Variants in PPP6C observed in about 807,000 individuals in gnomAD.
PPP6C encodes protein phosphatase 6 catalytic subunit, also known as serine/threonine-protein phosphatase 6 catalytic subunit.
A neutral mutation model predicts 39.8 loss-of-function variants in PPP6C; 11 were observed. The ratio of observed to expected loss-of-function variants is 0.28; its 90% CI spans 0.17 to 0.46. PPP6C has a LOEUF of 0.46. Among genes scored for constraint, PPP6C ranks in the 20% least tolerant of loss-of-function variants. PPP6C has a pLI of 1.00. For missense variants in PPP6C, 211 were observed against 373.9 expected, an observed-to-expected ratio of 0.56 and a Z score of 3.59; for synonymous variants, 129 against 130.3, an observed-to-expected ratio of 0.99 and a Z score of 0.07.
At chr9:125,151,483 C>G (rs187621799) in intron 6 of PPP6C, 2 of 796,004 alleles carry the variant, frequency 2.5e-6, no homozygotes, top group Non-Finnish European at 4.6e-6. Flanking sequence ...AGATGAAGCA[C>G]CATTCCAAAA....
chr9:125,156,712 C>A (rs1836084071), intron 4 of PPP6C, among the ~76,000 whole-genome samples: 1 of 151,904 alleles, frequency 6.6e-6, no homozygotes, highest in Admixed American at 6.6e-5. Context: ...CTTGACAGTT[C>A]TATTTCCCTG....
At chr9:125,188,956 A>C (rs1257227373) in intron 1 of PPP6C, 7 of 1,546,874 alleles carry the variant, frequency 4.5e-6, no homozygotes, top group Non-Finnish European at 6.1e-6. Context: ...TACTGAGTTA[A>C]GAAGGGGTTA....
chr9:125,153,001 G>C (rs946616950), intron 6 of PPP6C, among the ~76,000 whole-genome samples: 2 of 151,880 alleles, frequency 1.3e-5, no homozygotes, highest in Non-Finnish European at 2.9e-5. Flanking sequence ...GGCCGGGTGC[G>C]GTGGCTCACA....
At chr9:125,168,641 TAG>T (rs1337202623) in intron 2 of PPP6C, among the ~76,000 whole-genome samples, 1 of 151,868 alleles carries the variant, frequency 6.6e-6, no homozygotes, top group African/African-American at 2.4e-5. Flanking sequence ...GTATTTTTAG[TAG>T]AGACGGGGTT....
In PPP6C at chr9:125,171,044, T is replaced by C. The variant is rs369450250; in HGVS notation, c.171+41A>G. On this transcript the variant is annotated intron_variant, in intron 2 of 6. Coordinates refer to ENST00000373547, the MANE Select transcript of PPP6C (RefSeq NM_002721.5). ...CACATGTGAAAACACACATGGATCA[T>C]GGACAGTACAAAACTTAAAAATCTG... is the stretch of plus-strand genomic sequence containing the variant. The C allele has an allele frequency of 5.3e-4, 716 of 1,356,332 alleles. 17 individuals are homozygous for C. The South Asian group carries it at 9.1e-3, about 17-fold the overall frequency. 84.0% of individuals were successfully genotyped at this position (1,356,332 alleles called of 1,614,324 possible). A position where few individuals can be genotyped will look rare whatever the true frequency, so the allele number is the denominator to read the frequency against.
At chr9:125,156,313 A>T (rs1836073580) in intron 4 of PPP6C, among the ~76,000 whole-genome samples, 1 of 152,216 alleles carries the variant, frequency 6.6e-6, no homozygotes, top group African/African-American at 2.4e-5. Flanking sequence ...CCTCACTGTC[A>T]TCCAGGCTGG....
chr9:125,168,054 T>C (rs1466723137), intron 2 of PPP6C, among the ~76,000 whole-genome samples: 1 of 152,144 alleles, frequency 6.6e-6, no homozygotes, highest in Non-Finnish European at 1.5e-5. Flanking sequence ...TCAATGATAA[T>C]CAGTATATTC....
In PPP6C at chr9:125,171,108, CTG is replaced by C. The variant is rs1260104950; in HGVS notation, c.146_147del (p.Thr49SerfsTer11). 1 of 1,598,768 alleles carries C rather than the reference CTG, an allele frequency of 6.3e-7. No homozygotes were observed. The highest frequency in any genetic ancestry group is 8.6e-7 in the Non-Finnish European group (1 of 1,169,238). Reference protein sequence around the residue: ...SNVQPVSTPVTVCGDIHGQFY... With the variant: ...SNVQPVSTPVXVCGDIHGQFY... Reference sequence around the variant, plus strand: ...ACCTGTCCATGGATATCTCCACACACTGTTACTGGTGTTGATACTGGCTGAAC... The same window carrying C: ...ACCTGTCCATGGATATCTCCACACACTTACTGGTGTTGATACTGGCTGAAC... On this transcript the variant is annotated frameshift_variant, in exon 2 of 7. Coordinates refer to ENST00000373547, the MANE Select transcript of PPP6C (RefSeq NM_002721.5). LOFTEE classifies it high-confidence loss of function.
intron 6 of PPP6C, 38 bp downstream of exon 6, chr9:125,153,495 C>T: frequency 5.1e-6 from 8 of 1,581,346 alleles, no homozygotes; most frequent in Non-Finnish European, 5.2e-6. Context: ...AGCCCATTAG[C>T]AATCCACAAA....
intron 1 of PPP6C, among the ~76,000 whole-genome samples, chr9:125,189,331 G>C (rs141278226): frequency 6.6e-6 from 1 of 152,214 alleles, no homozygotes; most frequent in Non-Finnish European, 1.5e-5. Flanking sequence ...CCAGGGATGG[G>C]GTGGGGAGCC....
At chr9:125,163,736 T>C (rs1464124216) in intron 2 of PPP6C, among the ~76,000 whole-genome samples, 1 of 152,178 alleles carries the variant, frequency 6.6e-6, no homozygotes, top group Non-Finnish European at 1.5e-5. Flanking sequence ...GCCAGATATC[T>C]GTTCTTAAAC....
chr9:125,153,363 T>A (rs1835996952), intron 6 of PPP6C, among the ~76,000 whole-genome samples, 170 bp downstream of exon 6: 2 of 152,216 alleles, frequency 1.3e-5, no homozygotes, highest in South Asian at 4.1e-4. Flanking sequence ...TGTCATCTTA[T>A]TTAACCATTA....
intron 2 of PPP6C, among the ~76,000 whole-genome samples, chr9:125,163,149 A>G (rs754609511): frequency 6.6e-5 from 10 of 152,206 alleles, no homozygotes; most frequent in Admixed American, 1.3e-4. Context: ...ACATAAGTGA[A>G]TATCTTAAAT....
intron 1 of PPP6C, among the ~76,000 whole-genome samples, chr9:125,178,659 C>A (rs916179208): frequency 6.6e-6 from 1 of 152,146 alleles, no homozygotes; most frequent in Non-Finnish European, 1.5e-5. Flanking sequence ...CCTACAGCTA[C>A]CACAAATGCA....
chr9:125,178,448 C>A (rs1223489820), intron 1 of PPP6C, among the ~76,000 whole-genome samples: 3 of 152,112 alleles, frequency 2.0e-5, no homozygotes, highest in Non-Finnish European at 4.4e-5. Context: ...ATCACTGTAT[C>A]TTCTTTGATG....
chr9:125,177,094 G>C (rs1259145833), intron 1 of PPP6C, among the ~76,000 whole-genome samples: 1 of 152,162 alleles, frequency 6.6e-6, no homozygotes, highest in Non-Finnish European at 1.5e-5. Flanking sequence ...AGAATTCCCG[G>C]CCGGGCGCGG....
Position 125,171,137 on chromosome 9 carries a change from T to C in PPP6C, c.119A>G (p.Asn40Ser). ...TACTGGTGTTGATACTGGCTGAACA[T>C]TTGACTCTTCTAAGAGGAGGTCACA... is the stretch of plus-strand genomic sequence containing the variant. ...YVCDLLLEES[N>S]VQPVSTPVTV... The change falls in exon 2 of 7, where the codon AAT becomes AGT. Residue 40 changes from asparagine to serine, a missense_variant. Around this residue, in one of 2 missense-constraint regions of PPP6C, gnomAD observed 168 missense variants for 342.6 expected, o/e 0.49. Transcript: ENST00000373547. The C allele has an allele frequency of 6.2e-7, 1 of 1,606,008 alleles. No individual in the cohort carries two copies. Among genetic ancestry groups the C allele is most frequent in the Non-Finnish European group, 8.5e-7 (1 of 1,174,578 alleles).
chr9:125,189,721 TAAG>T lies in PPP6C; in HGVS notation c.-6_-4del. ...TTGTCCAGGTCTAGCGGCGCCATTT[TAAG>T]AATAACAAGCCGCGGCAACAGCGGC... On this transcript the variant is annotated 5_prime_UTR_variant, in exon 1 of 7. Transcript: ENST00000373547. 1.3e-6 allele frequency: 2 copies of T among 1,580,278 alleles called. No individual in the cohort carries two copies. The highest frequency in any genetic ancestry group is 1.1e-5 in the South Asian group (1 of 87,448).
chr9:125,186,862 T>C (rs1829540307), intron 1 of PPP6C, among the ~76,000 whole-genome samples: 1 of 151,308 alleles, frequency 6.6e-6, no homozygotes. Flanking sequence ...CTAAAAATTG[T>C]ACTTCCTTAA....
Sources: allele counts gnomAD v4.1 joint callset (sites outside exome capture counted in the v4.1 genomes callset), GRCh38; gene constraint gnomAD v4.1.1; regional missense constraint gnomAD v4.1.1; transcripts MANE v1.5; gene names NCBI Gene and HGNC (gene_info 2026-07-23, HGNC 2026-07-21).